Variants in SCN8A observed in about 807,000 individuals in gnomAD.
The protein encoded by SCN8A is sodium channel protein type 8 subunit alpha.
Under a neutral mutation model 184.1 loss-of-function variants are expected in SCN8A, and 30 were observed. The observed-to-expected ratio is 0.16, with a 90% CI of 0.12 to 0.22. The LOEUF (loss-of-function observed/expected upper bound fraction) is 0.22, where lower values mean the gene tolerates loss of function less well. Among genes scored for constraint, SCN8A ranks in the 10% least tolerant of loss-of-function variants. SCN8A has a pLI of 1.00. For missense variants in SCN8A, 1,057 were observed against 2,498.9 expected (o/e 0.42, Z 12.30); for synonymous variants, 852 against 907.0 (o/e 0.94, Z 1.09).
intron 12 of SCN8A, among the ~76,000 whole-genome samples, chr12:51,739,063 C>CT (rs1942376111): frequency 6.6e-6 from 1 of 152,152 alleles, no homozygotes; most frequent in Non-Finnish European, 1.5e-5. Context: ...CAGTGTTTTC[C>CT]TTTTTTTATA....
intron 14 of SCN8A, among the ~76,000 whole-genome samples, chr12:51,756,465 C>T (rs189442680): frequency 5.9e-5 from 9 of 152,298 alleles, no homozygotes; most frequent in Admixed American, 3.9e-4. Flanking sequence ...CAGCCCACTC[C>T]GGGATCTTCT....
At chr12:51,704,641 G>T (rs1941748563) in intron 9 of SCN8A, among the ~76,000 whole-genome samples, 1 of 135,366 alleles carries the variant, frequency 7.4e-6, no homozygotes, top group Non-Finnish European at 1.5e-5. Flanking sequence ...CTGCACTCCA[G>T]CCTGGGTGAC....
At chr12:51,643,791 A>G (rs922515465) in intron 1 of SCN8A, among the ~76,000 whole-genome samples, 9 of 152,236 alleles carry the variant, frequency 5.9e-5, no homozygotes, top group African/African-American at 1.2e-4. Flanking sequence ...TTTTAATGCA[A>G]CTTTCTTCCT....
rs1457529194 is a variant in SCN8A, at chr12:51,807,064, G to A, written c.5578G>A (p.Gly1860Arg). ...CACCAAGCGGGTCCTGGGAGATAGC[G>A]GGGAGTTGGACATCCTGCGGCAGCA... is the stretch of plus-strand genomic sequence containing the variant. ...AFTKRVLGDSGELDILRQQME... is the reference protein window; with the variant it reads ...AFTKRVLGDSRELDILRQQME... The change falls in exon 27 of 27, where the codon GGG (glycine) becomes AGG (arginine). Residue 1860 changes from glycine (G) to arginine (R), a missense_variant. Transcript: ENST00000627620. This position sits in a 1 kb window ranked among gnomAD's most constrained non-coding sequence, Gnocchi z 4.5. The A allele has an allele frequency of 6.2e-7, 1 of 1,614,022 alleles. No homozygotes were observed. The highest frequency in any genetic ancestry group is 1.1e-5 in the South Asian group (1 of 91,082).
intron 1 of SCN8A, among the ~76,000 whole-genome samples, chr12:51,608,268 C>T (rs968479813): frequency 2.0e-4 from 31 of 152,142 alleles, no homozygotes; most frequent in African/African-American, 7.2e-5. Flanking sequence ...CCTCGGCCTC[C>T]GAAAGTGCTG....
Position 51,699,894 on chromosome 12 carries a change from C to T in SCN8A, c.928+103C>T, listed in dbSNP as rs536601245. 117 of 928,876 alleles carry T rather than the reference C, an allele frequency of 1.3e-4. 2 individuals carry two copies. The Middle Eastern group carries it at 2.3e-3, about 18-fold the overall frequency. The allele number at this position is 928,876 out of a possible 1,614,324, so 57.5% of individuals were successfully genotyped here. A position where few individuals can be genotyped will look rare whatever the true frequency, so the allele number is the denominator to read the frequency against. On this transcript the variant is annotated intron_variant, in intron 7 of 26. Coordinates refer to ENST00000627620, the MANE Select transcript of SCN8A (RefSeq NM_001330260.2). Reference sequence around the variant, plus strand: ...TAAAAAAGTAGTTGGAGGCCGGGCGCGGTGGCTCACTCCTATAATCCTAGC... The same window carrying T: ...TAAAAAAGTAGTTGGAGGCCGGGCGTGGTGGCTCACTCCTATAATCCTAGC...
chr12:51,702,321 C>CAAAA (rs747855764), intron 8 of SCN8A, among the ~76,000 whole-genome samples: 3 of 76,562 alleles, frequency 3.9e-5, no homozygotes, highest in African/African-American at 8.9e-5. Context: ...GACTCTGTAT[C>CAAAA]AAAAAAAAAA....
chr12:51,623,326 G>A (rs151287576), intron 1 of SCN8A, among the ~76,000 whole-genome samples: 4 of 152,266 alleles, frequency 2.6e-5, no homozygotes, highest in African/African-American at 7.2e-5. Context: ...TAAGCTAAAC[G>A]TGGATTTGCA....
intron 2 of SCN8A, 125 bp downstream of exon 2, chr12:51,663,218 T>C: frequency 8.8e-7 from 1 of 1,139,490 alleles, no homozygotes. Flanking sequence ...GTTTCAGTTC[T>C]GGCTTGTGGG....
intron 9 of SCN8A, 46 bp from the exon 10 acceptor site, chr12:51,705,371 G>C (rs780341674): frequency 5.0e-6 from 8 of 1,591,988 alleles, no homozygotes; most frequent in Non-Finnish European, 6.0e-6. Context: ...TTTCAGCCCG[G>C]TTCATTTGGT....
intron 1 of SCN8A, among the ~76,000 whole-genome samples, chr12:51,592,966 T>TAC (rs1939263528): frequency 2.0e-5 from 3 of 152,148 alleles, no homozygotes; most frequent in Admixed American, 2.0e-4. Flanking sequence ...AAAAAAAATT[T>TAC]TTTTTTTGAT....
chr12:51,661,123 G>T (rs974817603), intron 1 of SCN8A, among the ~76,000 whole-genome samples: 3 of 152,124 alleles, frequency 2.0e-5, no homozygotes, highest in African/African-American at 7.2e-5. Context: ...GAGCATTTTG[G>T]TTGTGATTTT....
At chr12:51,639,274 C>T (rs1484356322) in intron 1 of SCN8A, among the ~76,000 whole-genome samples, 5 of 152,122 alleles carry the variant, frequency 3.3e-5, no homozygotes, top group Non-Finnish European at 7.3e-5. Context: ...GGCTGAAAGT[C>T]GTTTCCTGAG....
Position 51,770,647 on chromosome 12 carries a change from C to T in SCN8A, c.3609C>T (p.Phe1203=). ...LIVEHNWFET[F]IIFMILLSSG... ...TGGAGCACAACTGGTTTGAGACCTTCATCATCTTCATGATTCTGCTGAGCA... is the reference window on the plus strand; with the variant it reads ...TGGAGCACAACTGGTTTGAGACCTTTATCATCTTCATGATTCTGCTGAGCA... Residue 1203 remains phenylalanine (F), a synonymous_variant, in exon 19 of 27, where the codon TTC becomes TTT. Transcript: ENST00000627620. 1 of 1,614,136 alleles carries T rather than the reference C, an allele frequency of 6.2e-7. No individual in the cohort carries two copies. Among genetic ancestry groups the T allele is most frequent in the Non-Finnish European group, 8.5e-7 (1 of 1,180,008 alleles).
chr12:51,689,304 C>T (rs983771566), intron 6 of SCN8A: 1 of 547,610 alleles, frequency 1.8e-6, no homozygotes, highest in African/African-American at 1.9e-5. Flanking sequence ...CCCATTCCAT[C>T]CATGCTATTG....
chr12:51,674,813 T>C (rs1315626675), intron 2 of SCN8A, among the ~76,000 whole-genome samples: 3 of 152,168 alleles, frequency 2.0e-5, no homozygotes, highest in African/African-American at 7.2e-5. Flanking sequence ...AACAACCTGA[T>C]AAAATTGGAA....
In SCN8A at chr12:51,604,838, GT is replaced by G. The variant is rs199868823; in HGVS notation, c.-55+13490del. On this transcript the variant is annotated intron_variant, in intron 1 of 26. Coordinates refer to ENST00000627620, the MANE Select transcript of SCN8A (RefSeq NM_001330260.2). Reference sequence around the variant, plus strand: ...ATGAGCCACTGTACCAGGCTCCAGTGTTTTTTTTTTTAGCTTTTATTTTAGG... The same window carrying G: ...ATGAGCCACTGTACCAGGCTCCAGTGTTTTTTTTTTAGCTTTTATTTTAGG... Among the ~76,000 whole-genome samples, 268 of 146,054 alleles carry G rather than the reference GT, an allele frequency of 1.8e-3. 1 individual carries two copies. The highest frequency in any genetic ancestry group is 4.9e-3 in the Admixed American group (72 of 14,668).
At chr12:51,705,020 G>A (rs1941759289) in intron 9 of SCN8A, among the ~76,000 whole-genome samples, 1 of 152,102 alleles carries the variant, frequency 6.6e-6, no homozygotes, top group Non-Finnish European at 1.5e-5. Flanking sequence ...CCTTCAACTT[G>A]GACCTGATTT....
At chr12:51,713,624 C>A in intron 11 of SCN8A, 1 of 626,680 alleles carries the variant, frequency 1.6e-6, no homozygotes. Context: ...CTGAGTTCTT[C>A]TTGAGACATC....
Sources: allele counts gnomAD v4.1 joint callset (sites outside exome capture counted in the v4.1 genomes callset), GRCh38; gene constraint gnomAD v4.1.1; non-coding constraint Gnocchi (gnomAD v3.1); transcripts MANE v1.5; gene names NCBI Gene and HGNC (gene_info 2026-07-23, HGNC 2026-07-21).